Variants in ATXN7 observed in about 807,000 individuals in gnomAD.
ATXN7 encodes ataxin 7.
ATXN7 carries 12 observed loss-of-function variants against 70.5 expected under a neutral mutation model. That is an observed-to-expected ratio of 0.17 (90% CI 0.11 to 0.28). The LOEUF is 0.28. Among genes scored for constraint, ATXN7 ranks in the 10% least tolerant of loss-of-function variants. The pLI is 1.00. For missense variants in ATXN7, 1,256 were observed against 1,131.7 expected (o/e 1.11, Z -1.58); for synonymous variants, 498 against 448.7 (o/e 1.11, Z -1.39).
intron 4 of ATXN7, among the ~76,000 whole-genome samples, chr3:63,933,136 C>A (rs1417131432): frequency 6.6e-6 from 1 of 152,150 alleles, no homozygotes; most frequent in Non-Finnish European, 1.5e-5. Flanking sequence ...CAAAAAGGCT[C>A]TACTAGTTTC....
intron 6 of ATXN7, among the ~76,000 whole-genome samples, chr3:63,981,492 A>G (rs1204941460): frequency 6.6e-6 from 1 of 152,238 alleles, no homozygotes; most frequent in African/African-American, 2.4e-5. Flanking sequence ...GCTTCCTACC[A>G]GTATTTTCAG....
chr3:63,931,627 G>A (rs1044666910), intron 4 of ATXN7, among the ~76,000 whole-genome samples: 1 of 151,918 alleles, frequency 6.6e-6, no homozygotes, highest in Admixed American at 6.6e-5. Flanking sequence ...GAACATTATT[G>A]CCATCTATTT....
rs371077686 is a variant in ATXN7, at chr3:63,980,060, C to T, written c.645C>T (p.Ser215=). Residue 215 remains serine (S), a synonymous_variant, in exon 6 of 13, where the codon TCC becomes TCT. Transcript: ENST00000674280. ...CCAGTGGAGGTGTTCTTAGCGCATCCTCATCAAGTTCCAAGTTGTTGAAAT... is the reference window on the plus strand; with the variant it reads ...CCAGTGGAGGTGTTCTTAGCGCATCTTCATCAAGTTCCAAGTTGTTGAAAT... ...RSSSGGVLSA[S]SSSSKLLKSP... 23 of 1,614,030 alleles carry T rather than the reference C, an allele frequency of 1.4e-5. No homozygotes were observed. The East Asian group carries it at 3.3e-4, about 23-fold the overall frequency.
At chr3:63,969,157 C>T (rs1466669167) in intron 5 of ATXN7, among the ~76,000 whole-genome samples, 1 of 152,092 alleles carries the variant, frequency 6.6e-6, no homozygotes, top group East Asian at 1.9e-4. Flanking sequence ...ATTGGCATTC[C>T]TGGGTAATTA....
At chr3:63,868,359 T>C (rs1014622895) in intron 1 of ATXN7, among the ~76,000 whole-genome samples, 2 of 151,996 alleles carry the variant, frequency 1.3e-5, no homozygotes, top group African/African-American at 4.8e-5. Flanking sequence ...ACTAGTAGAG[T>C]TGTTGGGAGG....
chr3:63,990,541 G>A (rs1276991521), intron 10 of ATXN7, 167 bp downstream of exon 10: 3 of 1,141,658 alleles, frequency 2.6e-6, no homozygotes, highest in African/African-American at 3.1e-5. Flanking sequence ...CTCTGTACGG[G>A]GGACATCTCG....
intron 1 of ATXN7, among the ~76,000 whole-genome samples, chr3:63,868,942 G>A (rs1319342927): frequency 6.6e-6 from 1 of 152,138 alleles, no homozygotes; most frequent in African/African-American, 2.4e-5. Context: ...GGGTACCTGT[G>A]TTGATTTTTG....
chr3:63,998,587 TGAGA>T, intron 12 of ATXN7: 1 of 985,398 alleles, frequency 1.0e-6, no homozygotes, highest in Non-Finnish European at 1.2e-6. Flanking sequence ...AGTTTGTGTT[TGAGA>T]GAGATTTTCT....
At chr3:63,884,343 G>T (rs116314541) in intron 1 of ATXN7, among the ~76,000 whole-genome samples, 9 of 151,188 alleles carry the variant, frequency 6.0e-5, no homozygotes, top group Admixed American at 5.9e-4. Context: ...GCTCCCAAAG[G>T]TCAAACCTAG....
rs748681577 is a variant in ATXN7 at position 63,913,221 on chromosome 3, G to C, written c.390G>C (p.Arg130=). The change falls in exon 4 of 13, where the codon CGG becomes CGC. Residue 130 remains arginine, a synonymous_variant. Coordinates refer to ENST00000674280, the MANE Select transcript of ATXN7 (RefSeq NM_001377405.1). The part of the protein sequence containing the change: ...GKNREVMGLC[R]EDMPIFGFCP... ...ACCGCGAAGTCATGGGGCTCTGTCG[G>C]GAAGGTGAGTCCAGCCCCCCTGATG... The C allele has an allele frequency of 6.2e-7, 1 of 1,613,794 alleles. No individual in the cohort carries two copies. Among genetic ancestry groups the C allele is most frequent in the African/African-American group, 1.3e-5 (1 of 74,954 alleles).
At chr3:63,869,648 C>T (rs1214925362) in intron 1 of ATXN7, among the ~76,000 whole-genome samples, 1 of 152,164 alleles carries the variant, frequency 6.6e-6, no homozygotes, top group African/African-American at 2.4e-5. Context: ...TGATCCTGAG[C>T]TCCTGACCTC....
chr3:63,984,942 T>C (rs543147930), intron 8 of ATXN7, among the ~76,000 whole-genome samples: 27 of 152,332 alleles, frequency 1.8e-4, no homozygotes, highest in Non-Finnish European at 3.4e-4. Context: ...CTCATACTTG[T>C]TGTAGCATAT....
At chr3:63,901,228 A>G (rs1463640624) in intron 2 of ATXN7, 1 of 152,222 alleles carries the variant, frequency 6.6e-6, no homozygotes, top group African/African-American at 2.4e-5. Flanking sequence ...TTTAATAGCT[A>G]ATTAACGTAG....
At chr3:63,988,935 A>G (rs1395634777) in intron 9 of ATXN7, among the ~76,000 whole-genome samples, 2 of 152,210 alleles carry the variant, frequency 1.3e-5, no homozygotes, top group South Asian at 4.1e-4. Flanking sequence ...GACTGTACCT[A>G]GTTTCCAGAG....
intron 1 of ATXN7, among the ~76,000 whole-genome samples, chr3:63,892,437 C>A (rs1032390802): frequency 6.8e-6 from 1 of 147,556 alleles, no homozygotes; most frequent in Non-Finnish European, 1.5e-5. Flanking sequence ...AACAGGAGTA[C>A]TGGACTTTAA....
chr3:63,978,535 T>A (rs1341347591), intron 5 of ATXN7, among the ~76,000 whole-genome samples: 3 of 152,244 alleles, frequency 2.0e-5, no homozygotes, highest in African/African-American at 7.2e-5. Context: ...CATCTTCAGA[T>A]GCCAAATTTG....
chr3:63,966,090 G>A (rs2075217809), intron 5 of ATXN7, among the ~76,000 whole-genome samples: 1 of 152,230 alleles, frequency 6.6e-6, no homozygotes, highest in African/African-American at 2.4e-5. Context: ...CTCTCATAAC[G>A]ATATTTTTCC....
intron 2 of ATXN7, among the ~76,000 whole-genome samples, chr3:63,899,876 C>T (rs910808668): frequency 2.0e-5 from 3 of 152,204 alleles, no homozygotes; most frequent in East Asian, 1.9e-4. Flanking sequence ...CTCGGCCTCC[C>T]AAAGTGCTGG....
intron 9 of ATXN7, among the ~76,000 whole-genome samples, chr3:63,988,825 A>G (rs2075619834): frequency 6.6e-6 from 1 of 152,216 alleles, no homozygotes; most frequent in Non-Finnish European, 1.5e-5. Flanking sequence ...TAAACAGTGG[A>G]TCAGAGTGTT....
Sources: gnomAD v4.1 joint callset for allele counts (sites outside exome capture counted in the v4.1 genomes callset) on GRCh38, gnomAD v4.1.1 for gene constraint, MANE v1.5 for transcripts, NCBI Gene and HGNC (gene_info 2026-07-23, HGNC 2026-07-21) for gene names.